The following SCMH1 variants were observed in gnomAD, a reference collection of about 807,000 sequenced individuals.
The protein encoded by SCMH1 is Scm polycomb group protein homolog 1.
In SCMH1, 37 loss-of-function variants were observed where a neutral mutation model predicts 70.8. The ratio of observed to expected loss-of-function variants is 0.52; its 90% confidence interval spans 0.40 to 0.69. The LOEUF is 0.69. SCMH1 is among the 30% of genes least tolerant of loss of function. SCMH1 has a pLI of 0.00. For missense variants in SCMH1, 607 were observed against 827.3 expected (o/e 0.73, Z 3.27); for synonymous variants, 292 against 307.4 (o/e 0.95, Z 0.52).
At chr1:41,082,864 C>T (rs1017025197) in intron 8 of SCMH1, among the ~76,000 whole-genome samples, 19 of 152,184 alleles carry the variant, frequency 1.2e-4, no homozygotes, top group South Asian at 1.2e-3. Context: ...ACAGAACCAT[C>T]GACAAAAACC....
Position 41,145,383 on chromosome 1 carries a change from T to C in SCMH1, c.178-2271A>G, listed in dbSNP as rs539975448. Among the ~76,000 whole-genome samples, 10 of 152,274 alleles carry C rather than the reference T, an allele frequency of 6.6e-5. No homozygotes were observed. In the East Asian group the frequency reaches 1.7e-3, roughly 26 times the overall value. On this transcript the variant is annotated intron_variant, in intron 5 of 14. Coordinates refer to ENST00000337495, the Ensembl canonical transcript of SCMH1. ...AATCGATCGATCATAAATTGATGGG[T>C]CAATTTCTGTACTCTCAATTTTAAT...
intron 1 of SCMH1, among the ~76,000 whole-genome samples, chr1:41,201,576 C>A (rs2148726080): frequency 6.6e-6 from 1 of 152,246 alleles, no homozygotes; most frequent in African/African-American, 2.4e-5. Context: ...TTCCAATGAG[C>A]AACTCAAGCA....
chr1:41,065,068 A>C (rs1466506815), intron 10 of SCMH1, among the ~76,000 whole-genome samples: 1 of 152,268 alleles, frequency 6.6e-6, no homozygotes, highest in Non-Finnish European at 1.5e-5. Flanking sequence ...CTAAGTAAAC[A>C]GATATTTTGT....
chr1:41,152,117 A>G (rs1645124142), intron 4 of SCMH1, among the ~76,000 whole-genome samples: 1 of 152,174 alleles, frequency 6.6e-6, no homozygotes, highest in Admixed American at 6.5e-5. Context: ...GTTGGATTCC[A>G]GCATCTCAGC....
intron 10 of SCMH1, among the ~76,000 whole-genome samples, chr1:41,054,438 A>G (rs555524050): frequency 2.0e-5 from 3 of 152,298 alleles, no homozygotes; most frequent in African/African-American, 7.2e-5. Flanking sequence ...AGAATTTACA[A>G]ATAAAATTTC....
At chr1:41,183,235 GT>G (rs1649313777) in intron 2 of SCMH1, among the ~76,000 whole-genome samples, 1 of 152,022 alleles carries the variant, frequency 6.6e-6, no homozygotes, top group Admixed American at 6.6e-5. Flanking sequence ...TATCTCTCAC[GT>G]TGACCAATAA....
intron 4 of SCMH1, among the ~76,000 whole-genome samples, chr1:41,160,199 T>C (rs543935199): frequency 2.8e-4 from 42 of 152,242 alleles, no homozygotes; most frequent in African/African-American, 9.9e-4. Flanking sequence ...ACAAAATATA[T>C]CAAAATACTT....
intron 8 of SCMH1, among the ~76,000 whole-genome samples, chr1:41,091,923 T>G (rs1484633215): frequency 2.4e-5 from 1 of 41,262 alleles, no homozygotes; most frequent in Non-Finnish European, 3.9e-5. Context: ...GAAGAATCAA[T>G]ATTGTGAAAA....
intron 1 of SCMH1, among the ~76,000 whole-genome samples, chr1:41,241,250 C>A (rs1008649768): frequency 6.6e-5 from 10 of 152,222 alleles, no homozygotes; most frequent in African/African-American, 1.9e-4. Context: ...CTTTTAAATT[C>A]TCTTCCAGTC....
At chr1:41,033,538 C>T (rs937534864) in intron 13 of SCMH1, among the ~76,000 whole-genome samples, 26 of 152,254 alleles carry the variant, frequency 1.7e-4, no homozygotes, top group African/African-American at 5.1e-4. Context: ...CCTCTGCAGA[C>T]AGCCTATGGC....
chr1:41,067,461 A>AACAAC (rs1655035282), intron 10 of SCMH1, among the ~76,000 whole-genome samples: 2 of 33,078 alleles, frequency 6.0e-5, no homozygotes, highest in Non-Finnish European at 1.0e-4. Context: ...ACAACAACAA[A>AACAAC]AAAAAAAAAA....
At chr1:41,114,087 TTACTATTTTAA>T (rs1669873677) in intron 7 of SCMH1, among the ~76,000 whole-genome samples, 1 of 152,216 alleles carries the variant, frequency 6.6e-6, no homozygotes, top group South Asian at 2.1e-4. Context: ...TTCCAATTGT[TTACTATTTTAA>T]AAGAGTTTTA....
intron 10 of SCMH1, among the ~76,000 whole-genome samples, chr1:41,060,393 T>C (rs1313882289): frequency 1.3e-5 from 2 of 150,370 alleles, no homozygotes; most frequent in East Asian, 3.9e-4. Context: ...ATATTTAAAG[T>C]GTTGAGAGAA....
intron 6 of SCMH1, among the ~76,000 whole-genome samples, chr1:41,127,063 G>T (rs1316843878): frequency 6.6e-6 from 1 of 152,076 alleles, no homozygotes; most frequent in East Asian, 1.9e-4. Flanking sequence ...TGTCAATCTG[G>T]TAAGAAAGAA....
intron 6 of SCMH1, among the ~76,000 whole-genome samples, chr1:41,120,195 T>A (rs1413231957): frequency 6.6e-6 from 1 of 152,194 alleles, no homozygotes; most frequent in Non-Finnish European, 1.5e-5. Flanking sequence ...CAATTCCATT[T>A]TTGAGGTAGG....
At chr1:41,178,866 A>G (rs1647814098) in intron 2 of SCMH1, among the ~76,000 whole-genome samples, 1 of 152,244 alleles carries the variant, frequency 6.6e-6, no homozygotes, top group Admixed American at 6.5e-5. Flanking sequence ...AATTGAGCTC[A>G]GCTCTGCACC....
chr1:41,152,674 T>C, intron 4 of SCMH1: 1 of 1,614,148 alleles, frequency 6.2e-7, no homozygotes. Flanking sequence ...CAAACCAGCA[T>C]TTCTTGAAGT....
At chr1:41,058,118 C>CAAAAAAA (rs201623540) in intron 10 of SCMH1, among the ~76,000 whole-genome samples, 1 of 54,858 alleles carries the variant, frequency 1.8e-5, no homozygotes, top group Non-Finnish European at 3.9e-5. Context: ...GAGATTGTCT[C>CAAAAAAA]AAAAAAAAAA....
intron 8 of SCMH1, among the ~76,000 whole-genome samples, chr1:41,106,603 A>C (rs1437001415): frequency 1.3e-5 from 2 of 151,968 alleles, no homozygotes; most frequent in Non-Finnish European, 2.9e-5. Context: ...AAGATGGTCT[A>C]TGAGGGAAGC....
Sources: allele counts gnomAD v4.1 joint callset (sites outside exome capture counted in the v4.1 genomes callset), GRCh38; gene constraint gnomAD v4.1.1; transcripts MANE v1.5; gene names NCBI Gene and HGNC (gene_info 2026-07-23, HGNC 2026-07-21).